The following OXR1 variants were observed in gnomAD, a reference collection of about 807,000 sequenced individuals.
OXR1 encodes the protein oxidation resistance protein 1.
In OXR1, 41 loss-of-function variants were observed where a neutral mutation model predicts 104.6. The ratio of observed to expected loss-of-function variants is 0.39; its 90% CI spans 0.31 to 0.51. The LOEUF (loss-of-function observed/expected upper bound fraction) is 0.51. Ranked by LOEUF, OXR1 falls within the 20% of genes least tolerant of loss-of-function variation. The pLI is 0.77. For missense variants in OXR1, 955 were observed against 1,031.9 expected (o/e 0.93, Z 1.02); for synonymous variants, 348 against 348.4 (o/e 1.00, Z 0.01).
At chr8:106,727,484 T>C (rs941788548) in intron 11 of OXR1, among the ~76,000 whole-genome samples, 3 of 152,130 alleles carry the variant, frequency 2.0e-5, no homozygotes, top group Admixed American at 6.5e-5. Flanking sequence ...AGTGGCGGGA[T>C]TTTGGCTCAC....
chr8:106,576,190 G>T (rs1428094153), intron 3 of OXR1, among the ~76,000 whole-genome samples: 2 of 151,764 alleles, frequency 1.3e-5, no homozygotes, highest in Non-Finnish European at 2.9e-5. Context: ...GGGAAAGCTG[G>T]ATATAACTTT....
chr8:106,404,977 T>C (rs902683996), intron 2 of OXR1, among the ~76,000 whole-genome samples: 2 of 151,998 alleles, frequency 1.3e-5, no homozygotes, highest in African/African-American at 4.8e-5. Context: ...AGTGCTGGGA[T>C]TGCTCCTTGG....
At chr8:106,405,453 C>T (rs1450112041) in intron 2 of OXR1, among the ~76,000 whole-genome samples, 1 of 151,778 alleles carries the variant, frequency 6.6e-6, no homozygotes, top group Admixed American at 6.6e-5. Flanking sequence ...GAAACTTGTC[C>T]CATCAAGAAA....
At chr8:106,711,542 T>A (rs755252321) in intron 10 of OXR1, among the ~76,000 whole-genome samples, 1 of 152,174 alleles carries the variant, frequency 6.6e-6, no homozygotes, top group African/African-American at 2.4e-5. Flanking sequence ...TATCTGTGTG[T>A]GTATATTGAA....
intron 1 of OXR1, among the ~76,000 whole-genome samples, chr8:106,300,000 T>G (rs1813163527): frequency 6.6e-6 from 1 of 152,174 alleles, no homozygotes; most frequent in Non-Finnish European, 1.5e-5. Flanking sequence ...GGTGAAAGCC[T>G]TCTAGGCAAA....
In OXR1 at chr8:106,587,296, A is replaced by T. The variant is rs576800706; in HGVS notation, c.220+68157A>T. Among the ~76,000 whole-genome samples, 11 of 151,940 alleles carry T rather than the reference A, an allele frequency of 7.2e-5. No homozygotes were observed. The South Asian group carries it at 2.3e-3, about 32-fold the overall frequency. On this transcript the variant is annotated intron_variant, in intron 3 of 16. Transcript: ENST00000517566. Reference sequence around the variant, plus strand: ...ATTTTTTTTTTTCAGTAAAGTAGGGACCAAGATTATCAGTGGAGATTAAGG... The same window carrying T: ...ATTTTTTTTTTTCAGTAAAGTAGGGTCCAAGATTATCAGTGGAGATTAAGG...
At chr8:106,362,881 G>A (rs969039185) in intron 2 of OXR1, among the ~76,000 whole-genome samples, 3 of 152,320 alleles carry the variant, frequency 2.0e-5, no homozygotes, top group East Asian at 1.9e-4. Flanking sequence ...AGTAGGGCCT[G>A]GAGATTAGCA....
intron 3 of OXR1, among the ~76,000 whole-genome samples, chr8:106,595,828 C>T (rs1194630645): frequency 6.6e-6 from 1 of 152,070 alleles, no homozygotes; most frequent in African/African-American, 2.4e-5. Flanking sequence ...AATTAGAATT[C>T]AGTACACATT....
intron 1 of OXR1, among the ~76,000 whole-genome samples, chr8:106,283,969 A>C (rs765495169): frequency 5.9e-5 from 9 of 152,092 alleles, no homozygotes; most frequent in Non-Finnish European, 1.3e-4. Context: ...TTTAGGTTGC[A>C]TGAAACTTTT....
At chr8:106,345,613 G>A (rs1815445438) in intron 1 of OXR1, among the ~76,000 whole-genome samples, 1 of 152,180 alleles carries the variant, frequency 6.6e-6, no homozygotes, top group South Asian at 2.1e-4. Flanking sequence ...AGCCTGTGAA[G>A]AAAGTTGGTG....
intron 2 of OXR1, among the ~76,000 whole-genome samples, chr8:106,493,151 A>T (rs1313044444): frequency 6.6e-6 from 1 of 152,180 alleles, no homozygotes; most frequent in African/African-American, 2.4e-5. Flanking sequence ...TGGGTAGCTA[A>T]CTGGTGGGGA....
At chr8:106,678,192 AT>A (rs1267747390) in intron 3 of OXR1, among the ~76,000 whole-genome samples, 2 of 151,934 alleles carry the variant, frequency 1.3e-5, no homozygotes, top group African/African-American at 2.4e-5. Context: ...TATTATTATT[AT>A]TTTTTAGTGC....
chr8:106,617,919 T>G (rs1821376206), intron 3 of OXR1: 1 of 622,284 alleles, frequency 1.6e-6, no homozygotes, highest in Admixed American at 6.3e-5. Flanking sequence ...TCTAAAATGT[T>G]CAGTGAGCCA....
At chr8:106,612,677 A>T (rs1454948736) in intron 3 of OXR1, among the ~76,000 whole-genome samples, 1 of 152,216 alleles carries the variant, frequency 6.6e-6, no homozygotes, top group Non-Finnish European at 1.5e-5. Flanking sequence ...ATTTTGACAG[A>T]GCAGGCAAAA....
chr8:106,273,748 A>T (rs1811911781), intron 1 of OXR1, among the ~76,000 whole-genome samples: 1 of 152,244 alleles, frequency 6.6e-6, no homozygotes, highest in Non-Finnish European at 1.5e-5. Flanking sequence ...TGTTTTAAGG[A>T]AATTAAAGAG....
chr8:106,272,430 G>A (rs1261958950), intron 1 of OXR1: 1 of 152,210 alleles, frequency 6.6e-6, no homozygotes, highest in Non-Finnish European at 1.5e-5. Context: ...AAGAGGGCTG[G>A]TCTCATAACT....
At chr8:106,290,549 C>G (rs1812702744) in intron 1 of OXR1, among the ~76,000 whole-genome samples, 1 of 152,066 alleles carries the variant, frequency 6.6e-6, no homozygotes, top group Non-Finnish European at 1.5e-5. Flanking sequence ...AACTAAGCAT[C>G]CAACAAAGGT....
At chr8:106,447,862 T>G in intron 2 of OXR1, 1 of 1,447,186 alleles carries the variant, frequency 6.9e-7, no homozygotes, top group Non-Finnish European at 9.1e-7. Flanking sequence ...CCTTAGATGT[T>G]GGTCTGATAC....
intron 2 of OXR1, among the ~76,000 whole-genome samples, chr8:106,361,246 A>G (rs897429914): frequency 6.6e-6 from 1 of 152,212 alleles, no homozygotes; most frequent in Non-Finnish European, 1.5e-5. Flanking sequence ...TATCCTTCTA[A>G]AAGAAAGCTT....
Sources: allele counts gnomAD v4.1 joint callset (sites outside exome capture counted in the v4.1 genomes callset), GRCh38; gene constraint gnomAD v4.1.1; transcripts MANE v1.5; gene names NCBI Gene and HGNC (gene_info 2026-07-23, HGNC 2026-07-21).